Variants in FGGY observed in about 807,000 individuals in gnomAD.
The protein encoded by FGGY is FGGY carbohydrate kinase domain containing.
A neutral mutation model predicts 71.3 loss-of-function variants in FGGY; 72 were observed. The ratio of observed to expected loss-of-function variants is 1.01; its 90% CI spans 0.84 to 1.23. The LOEUF is 1.23. Ranked by LOEUF, FGGY falls within the 50% of genes most tolerant of loss-of-function variation. The pLI, the probability that FGGY is intolerant of heterozygous loss-of-function variation, is 0.00. For missense variants in FGGY, 668 were observed against 682.3 expected (o/e 0.98, Z 0.23); for synonymous variants, 251 against 250.3 (o/e 1.00, Z -0.02).
Position 59,635,987 on chromosome 1 carries a change from C to T in FGGY, c.1074-2241C>T, listed in dbSNP as rs117565004. Among the ~76,000 whole-genome samples, 3 of 152,328 alleles carry T rather than the reference C, an allele frequency of 2.0e-5. No individual in the cohort carries two copies. In the East Asian group the frequency reaches 5.8e-4, roughly 29 times the overall value. Reference sequence around the variant, plus strand: ...CTGTATGTTAGTGGTACCTCCCCAACTGGGCAGTGTTGGAAGGTCTGGTGT... The same window carrying T: ...CTGTATGTTAGTGGTACCTCCCCAATTGGGCAGTGTTGGAAGGTCTGGTGT... On this transcript the variant is annotated intron_variant, in intron 10 of 15. Coordinates refer to ENST00000303721, the MANE Select transcript of FGGY (RefSeq NM_018291.5).
intron 14 of FGGY, among the ~76,000 whole-genome samples, chr1:59,722,020 T>A (rs1187049290): frequency 6.6e-6 from 1 of 152,218 alleles, no homozygotes; most frequent in Admixed American, 6.5e-5. Flanking sequence ...CTAACATCCC[T>A]TTTCTATTCT....
At chr1:59,500,370 A>G (rs2094186254) in intron 6 of FGGY, among the ~76,000 whole-genome samples, 1 of 152,100 alleles carries the variant, frequency 6.6e-6, no homozygotes, top group South Asian at 2.1e-4. Flanking sequence ...GTGTGTTGTT[A>G]CTGACAGAGC....
At chr1:59,422,521 C>T (rs750187146) in intron 5 of FGGY, among the ~76,000 whole-genome samples, 10 of 151,542 alleles carry the variant, frequency 6.6e-5, no homozygotes, top group Admixed American at 1.3e-4. Flanking sequence ...ATGGAAAAAC[C>T]GATCTGTACT....
chr1:59,597,865 A>G (rs1037817641), intron 8 of FGGY, among the ~76,000 whole-genome samples: 1 of 152,252 alleles, frequency 6.6e-6, no homozygotes, highest in Non-Finnish European at 1.5e-5. Context: ...TTGCCGTATT[A>G]GAGAACTAAT....
At chr1:59,516,028 T>C (rs2094638335) in intron 7 of FGGY, among the ~76,000 whole-genome samples, 1 of 152,206 alleles carries the variant, frequency 6.6e-6, no homozygotes, top group African/African-American at 2.4e-5. Context: ...TGATAGTCCA[T>C]GATGACGGGT....
chr1:59,743,935 C>T (rs1171437938), intron 14 of FGGY, among the ~76,000 whole-genome samples: 2 of 152,190 alleles, frequency 1.3e-5, no homozygotes, highest in Non-Finnish European at 2.9e-5. Flanking sequence ...TTTATCACTC[C>T]CCTGCCCAGG....
At chr1:59,326,285 TAAAC>T (rs1007775377) in intron 2 of FGGY, among the ~76,000 whole-genome samples, 17 of 152,124 alleles carry the variant, frequency 1.1e-4, no homozygotes, top group African/African-American at 3.6e-4. Context: ...ATGAGAAAAA[TAAAC>T]AACACATATG....
chr1:59,378,005 C>T (rs1157209992), intron 4 of FGGY, among the ~76,000 whole-genome samples: 1 of 152,100 alleles, frequency 6.6e-6, no homozygotes, highest in Non-Finnish European at 1.5e-5. Flanking sequence ...AACCAGTTGG[C>T]ATGTGGAGAA....
Position 59,471,778 on chromosome 1 carries a change from T to C in FGGY, c.670+14702T>C, listed in dbSNP as rs1219262812. ...ATCCCTTTGGGGATCTCATGTCTAC[T>C]AGGGGTAGGGGCAGGTAAATGAATC... is the stretch of plus-strand genomic sequence containing the variant. On this transcript the variant is annotated intron_variant, in intron 6 of 15. Coordinates refer to ENST00000303721, the MANE Select transcript of FGGY (RefSeq NM_018291.5). 2.0e-5 allele frequency among the ~76,000 whole-genome samples: 3 copies of C among 152,186 alleles called. No individual in the cohort carries two copies. The East Asian group carries it at 5.8e-4, about 29-fold the overall frequency.
chr1:59,349,496 C>T (rs750592515), intron 4 of FGGY, among the ~76,000 whole-genome samples: 25 of 152,188 alleles, frequency 1.6e-4, no homozygotes, highest in South Asian at 1.0e-3. Flanking sequence ...GCACGAACCT[C>T]TCAGGATTCT....
At chr1:59,698,050 G>GT (rs1467095964) in intron 14 of FGGY, among the ~76,000 whole-genome samples, 1 of 151,918 alleles carries the variant, frequency 6.6e-6, no homozygotes, top group Non-Finnish European at 1.5e-5. Context: ...GATGCTTTCT[G>GT]TATTTTTTCT....
chr1:59,671,846 AGGATTCAAAC>A (rs1445871732), intron 13 of FGGY, among the ~76,000 whole-genome samples: 2 of 152,290 alleles, frequency 1.3e-5, no homozygotes, highest in East Asian at 3.9e-4. Context: ...TGGGGAAGCC[AGGATTCAAAC>A]CCTGGCAGTC....
At chr1:59,360,893 A>G (rs1053036467) in intron 4 of FGGY, among the ~76,000 whole-genome samples, 2 of 152,168 alleles carry the variant, frequency 1.3e-5, no homozygotes, top group Non-Finnish European at 2.9e-5. Flanking sequence ...CACTTACCTC[A>G]TGCAGCTACT....
chr1:59,369,294 G>A lies in FGGY; in HGVS notation c.466-9455G>A, dbSNP rs574182091. Among the ~76,000 whole-genome samples, 46 of 152,270 alleles carry A rather than the reference G, an allele frequency of 3.0e-4. 1 individual carries two copies. In the South Asian group the frequency reaches 4.8e-3, roughly 16 times the overall value. On this transcript the variant is annotated intron_variant, in intron 4 of 15. Transcript: ENST00000303721. ...ATGGCTCGGAGGGTCGTACGCCCACGGAGTCTCGCTGATTGCTAGCACAGC... is the reference window on the plus strand; with the variant it reads ...ATGGCTCGGAGGGTCGTACGCCCACAGAGTCTCGCTGATTGCTAGCACAGC...
At chr1:59,430,233 G>A (rs775872118) in intron 5 of FGGY, among the ~76,000 whole-genome samples, 4 of 152,116 alleles carry the variant, frequency 2.6e-5, no homozygotes, top group Non-Finnish European at 5.9e-5. Flanking sequence ...TGTGATAACT[G>A]GAGCCACTGG....
intron 4 of FGGY, among the ~76,000 whole-genome samples, chr1:59,364,426 G>A (rs1259921550): frequency 1.3e-5 from 2 of 152,164 alleles, no homozygotes; most frequent in Non-Finnish European, 2.9e-5. Context: ...GAGAAACTGG[G>A]ACAGTTCTTA....
At chr1:59,345,070 T>C (rs2051536811) in intron 3 of FGGY, among the ~76,000 whole-genome samples, 1 of 152,186 alleles carries the variant, frequency 6.6e-6, no homozygotes. Context: ...TTCAAGAGTC[T>C]GTCATTGAAA....
At chr1:59,314,604 T>C (rs1195183594) in intron 1 of FGGY, among the ~76,000 whole-genome samples, 2 of 152,164 alleles carry the variant, frequency 1.3e-5, no homozygotes, top group Admixed American at 6.5e-5. Flanking sequence ...TAGACACAGA[T>C]GGGACAAGCA....
At chr1:59,711,978 C>T (rs2097797457) in intron 14 of FGGY, among the ~76,000 whole-genome samples, 1 of 152,162 alleles carries the variant, frequency 6.6e-6, no homozygotes, top group African/African-American at 2.4e-5. Flanking sequence ...AGCATTAACT[C>T]AAAAGTCCCC....
Sources: allele counts gnomAD v4.1 joint callset (sites outside exome capture counted in the v4.1 genomes callset), GRCh38; gene constraint gnomAD v4.1.1; transcripts MANE v1.5; gene names NCBI Gene and HGNC (gene_info 2026-07-23, HGNC 2026-07-21).